Variants in TRIM28 observed in about 807,000 individuals in gnomAD.
The protein encoded by TRIM28 is transcription intermediary factor 1-beta.
A neutral mutation model predicts 87.4 loss-of-function variants in TRIM28; 8 were observed. That is an observed-to-expected ratio of 0.09 (90% CI 0.05 to 0.17). The LOEUF (loss-of-function observed/expected upper bound fraction) is 0.17, where lower values mean the gene tolerates loss of function less well. Ranked by LOEUF, TRIM28 falls within the 10% of genes least tolerant of loss-of-function variation. The pLI is 1.00. For synonymous variants in TRIM28, 601 were observed against 454.3 expected (o/e 1.32, Z -4.11); for missense variants, 968 against 1,131.8 (o/e 0.86, Z 2.08).
intron 1 of TRIM28, 119 bp from the exon 2 acceptor site, chr19:58,545,306 G>A: frequency 2.1e-6 from 2 of 952,804 alleles, no homozygotes; most frequent in Non-Finnish European, 3.2e-6. Flanking sequence ...AAGGCTCGGG[G>A]AGGGGAGGGG....
chr19:58,547,978 G>C, intron 6 of TRIM28, 56 bp from the exon 7 acceptor site: 4 of 1,613,156 alleles, frequency 2.5e-6, no homozygotes, highest in Non-Finnish European at 3.4e-6. Context: ...GGGGTGAGGA[G>C]TGATCCTAGT....
chr19:58,544,969 G>C lies in TRIM28; in HGVS notation c.212G>C (p.Arg71Pro). The part of the protein sequence containing the change: ...LLEHCGVCRE[R>P]LRPEREPRLL... ...GAGCACTGCGGCGTGTGCAGAGAGCGCCTGCGACCCGAGAGGGAGCCCCGC... is the reference window on the plus strand; with the variant it reads ...GAGCACTGCGGCGTGTGCAGAGAGCCCCTGCGACCCGAGAGGGAGCCCCGC... The change falls in exon 1 of 17, where the codon CGC (arginine) becomes CCC (proline). Residue 71 changes from arginine (R) to proline (P), a missense_variant. This residue lies in a region of TRIM28 where 208 missense variants were observed against 170.9 expected (regional missense o/e 1.22). Coordinates refer to ENST00000253024, the MANE Select transcript of TRIM28 (RefSeq NM_005762.3). 1 of 1,512,500 alleles carries C rather than the reference G, an allele frequency of 6.6e-7. No homozygotes were observed. Among genetic ancestry groups the C allele is most frequent in the Non-Finnish European group, 8.8e-7 (1 of 1,139,886 alleles). The allele number at this position is 1,512,500 out of a possible 1,614,324, so 93.7% of individuals were successfully genotyped here. A position where few individuals can be genotyped will look rare whatever the true frequency, so the allele number is the denominator to read the frequency against.
At chr19:58,547,740 G>C (rs780612143) in intron 5 of TRIM28, 27 bp downstream of exon 5, 1 of 1,613,676 alleles carries the variant, frequency 6.2e-7, no homozygotes, top group South Asian at 1.1e-5. Flanking sequence ...GGGCTGTGGG[G>C]GTGGCCCAGG....
In TRIM28 at chr19:58,549,806, G is replaced by C; in HGVS notation, c.2052G>C (p.Leu684=). The part of the protein sequence containing the change: ...DLKEEDGSLS[L]DGADSTGVVA... Reference sequence around the variant, plus strand: ...AGGAGGAGGATGGCAGCCTCAGCCTGGATGGTGCAGACAGCACTGGCGTGG... The same window carrying C: ...AGGAGGAGGATGGCAGCCTCAGCCTCGATGGTGCAGACAGCACTGGCGTGG... The change falls in exon 14 of 17, where the codon CTG becomes CTC. Residue 684 remains leucine, a synonymous_variant. Coordinates refer to ENST00000253024, the MANE Select transcript of TRIM28 (RefSeq NM_005762.3). The surrounding 1 kb of genome is among the most constrained non-coding windows in gnomAD (Gnocchi z 4.4). 6.2e-7 allele frequency: 1 copy of C among 1,612,822 alleles called. No homozygotes were observed. Among genetic ancestry groups the C allele is most frequent in the East Asian group, 2.2e-5 (1 of 44,834 alleles).
chr19:58,550,063 G>C lies in TRIM28; in HGVS notation c.2193+28G>C, dbSNP rs754107480. The C allele has an allele frequency of 3.7e-6, 6 of 1,613,838 alleles. No homozygotes were observed. The South Asian group carries it at 4.4e-5, about 12-fold the overall frequency. ...GAGTCCTAGGATGGGAAAGGGGAAG[G>C]GGGTGGTGGCTGCTGGGTCTCGCCC... On this transcript the variant is annotated intron_variant, in intron 15 of 16. Coordinates refer to ENST00000253024, the MANE Select transcript of TRIM28 (RefSeq NM_005762.3).
rs750665537 is a variant in TRIM28 at position 58,545,747 on chromosome 19, C to T, written c.454-17C>T. On this transcript the variant is annotated splice_polypyrimidine_tract_variant and intron_variant, in intron 2 of 16. Transcript: ENST00000253024. The stretch of plus-strand genomic sequence containing the variant: ...TCAAGTTGTCTTGCCTTCTCTGACC[C>T]TGCCTTTGTCTGGCAGTGCTGCACT... 1.3e-6 allele frequency: 2 copies of T among 1,595,036 alleles called. No individual in the cohort carries two copies. Among genetic ancestry groups the T allele is most frequent in the Admixed American group, 1.7e-5 (1 of 58,790 alleles).
chr19:58,545,338 G>A, intron 1 of TRIM28, 87 bp from the exon 2 acceptor site: 3 of 1,147,588 alleles, frequency 2.6e-6, no homozygotes, highest in Non-Finnish European at 1.3e-6. Flanking sequence ...CGGGATAATG[G>A]TCGGGGGCCC....
Position 58,547,371 on chromosome 19 carries a change from C to T in TRIM28, c.587-5C>T. The T allele has an allele frequency of 4.3e-6, 7 of 1,613,394 alleles. No homozygotes were observed. Among genetic ancestry groups the T allele is most frequent in the Non-Finnish European group, 5.9e-6 (7 of 1,179,504 alleles). ...AGGTCCAGCCTTATGATTCCCACTC[C>T]CCAGGGCCAGCCAAGTCTCGGGATG... On this transcript the variant is annotated splice_polypyrimidine_tract_variant and splice_region_variant and intron_variant, in intron 3 of 16. Coordinates refer to ENST00000253024, the MANE Select transcript of TRIM28 (RefSeq NM_005762.3).
intron 3 of TRIM28, among the ~76,000 whole-genome samples, chr19:58,546,868 C>G (rs975217507): frequency 6.6e-6 from 1 of 152,122 alleles, no homozygotes; most frequent in African/African-American, 2.4e-5. Flanking sequence ...GACATTTCAT[C>G]TCTCCCAGTA....
Position 58,547,795 on chromosome 19 carries a change from C to T in TRIM28, c.843C>T (p.Ile281=), listed in dbSNP as rs761319341. 1.9e-6 allele frequency: 3 copies of T among 1,614,002 alleles called. No individual in the cohort carries two copies. Among genetic ancestry groups the T allele is most frequent in the Non-Finnish European group, 2.5e-6 (3 of 1,180,030 alleles). The part of the protein sequence containing the change: ...QKSTKEVRSS[I]RQVSDVQKRV... ...CCTGACCTGCTGTGTCCCCTAGAAT[C>T]CGCCAGGTGTCTGACGTACAGAAGC... is the stretch of plus-strand genomic sequence containing the variant. The change falls in exon 6 of 17, where the codon ATC becomes ATT. Residue 281 remains isoleucine (I), a synonymous_variant. Coordinates refer to ENST00000253024, the MANE Select transcript of TRIM28 (RefSeq NM_005762.3).
Position 58,548,881 on chromosome 19 carries a change from T to C in TRIM28, c.1380T>C (p.Ser460=), listed in dbSNP as rs931278780. ...GFGSGDDPYS[S]AEPHVSGVKR... ...TCTAAGGAGATGATCCCTACTCAAG[T>C]GCAGAGCCCCATGTGTCAGGTGTGA... Residue 460 remains serine, a synonymous_variant, in exon 11 of 17, where the codon AGT becomes AGC. Coordinates refer to ENST00000253024, the MANE Select transcript of TRIM28 (RefSeq NM_005762.3). The C allele has an allele frequency of 2.5e-6, 4 of 1,614,060 alleles. No homozygotes were observed. The highest frequency in any genetic ancestry group is 3.4e-6 in the Non-Finnish European group (4 of 1,179,988).
rs756513993 is a variant in TRIM28, at chr19:58,547,735, G to A, written c.839+22G>A. ...GCTCGTAAGTGTGGGTTCTGGGGCT[G>A]TGGGGGTGGCCCAGGGCAGCAAGAC... On this transcript the variant is annotated intron_variant, in intron 5 of 16. Transcript: ENST00000253024. The A allele has an allele frequency of 6.8e-6, 11 of 1,613,896 alleles. No homozygotes were observed. The South Asian group carries it at 1.2e-4, about 18-fold the overall frequency.
intron 7 of TRIM28, 42 bp from the exon 8 acceptor site, chr19:58,548,252 T>G (rs760767636): frequency 4.3e-6 from 7 of 1,613,870 alleles, no homozygotes; most frequent in Non-Finnish European, 5.1e-6. Flanking sequence ...CCCTATTTGT[T>G]GTTGGTGTGC....
rs1031496490 is a variant in TRIM28 at position 58,545,119 on chromosome 19, C to T, written c.340+22C>T. 39 of 1,394,570 alleles carry T rather than the reference C, an allele frequency of 2.8e-5. No individual in the cohort carries two copies. In the African/African-American group the frequency reaches 4.6e-4, roughly 17 times the overall value. The allele number at this position is 1,394,570 out of a possible 1,614,324, so 86.4% of individuals were successfully genotyped here. A position where few individuals can be genotyped will look rare whatever the true frequency, so the allele number is the denominator to read the frequency against. ...ACCGGTAAGTACGAAGTGATCGGTG[C>T]CACCCCTCCCCCTACTCTCTGCCTT... On this transcript the variant is annotated intron_variant, in intron 1 of 16. Transcript: ENST00000253024.
Position 58,549,700 on chromosome 19 carries a change from C to G in TRIM28, c.1983-37C>G, listed in dbSNP as rs199681428. 3.8e-6 allele frequency: 6 copies of G among 1,599,694 alleles called. No individual in the cohort carries two copies. Among genetic ancestry groups the G allele is most frequent in the Non-Finnish European group, 5.1e-6 (6 of 1,170,164 alleles). ...AAGTCTGGGTGTTGGGCTGTCTGGA[C>G]AGGATCATGTGCAGACCCTTATTTT... On this transcript the variant is annotated intron_variant, in intron 13 of 16. Transcript: ENST00000253024. The surrounding 1 kb of genome is among the most constrained non-coding windows in gnomAD (Gnocchi z 4.4).
At position 58,544,618 on chromosome 19, in the gene TRIM28, G is replaced by T. The variant is rs1279640779; in HGVS notation, c.-140G>T. The T allele has an allele frequency of 4.3e-5, 9 of 208,912 alleles. No individual in the cohort carries two copies. The highest frequency in any genetic ancestry group is 6.6e-5 in the Non-Finnish European group (8 of 120,982). The allele number at this position is 208,912 out of a possible 1,614,324, so 12.9% of individuals were successfully genotyped here. A position where few individuals can be genotyped will look rare whatever the true frequency, so the allele number is the denominator to read the frequency against. On this transcript the variant is annotated 5_prime_UTR_variant, in exon 1 of 17. Transcript: ENST00000253024. ...AGCGTCCCGCGCGCGGCGGGCAGCGGCCCAGGAGGCGCGTGGCGGCGCTCG... is the reference window on the plus strand; with the variant it reads ...AGCGTCCCGCGCGCGGCGGGCAGCGTCCCAGGAGGCGCGTGGCGGCGCTCG...
intron 3 of TRIM28, among the ~76,000 whole-genome samples, chr19:58,546,873 C>T (rs2053765606): frequency 6.6e-6 from 1 of 152,106 alleles, no homozygotes; most frequent in South Asian, 2.1e-4. Context: ...TTCATCTCTC[C>T]CAGTATGAGA....
At chr19:58,548,648 G>A in intron 9 of TRIM28, 56 bp downstream of exon 9, 1 of 1,603,004 alleles carries the variant, frequency 6.2e-7, no homozygotes, top group East Asian at 2.2e-5. Flanking sequence ...TCCAGTAGCA[G>A]GAGAGAGGAC....
At position 58,548,023 on chromosome 19, in the gene TRIM28, T is replaced by C. The variant is rs780823881; in HGVS notation, c.955-11T>C. On this transcript the variant is annotated splice_polypyrimidine_tract_variant and intron_variant, in intron 6 of 16. Coordinates refer to ENST00000253024, the MANE Select transcript of TRIM28 (RefSeq NM_005762.3). Reference sequence around the variant, plus strand: ...CCTTCTCTGCTTACCTCATACACCTTCTATCTGCAGAAGGTGACTGAGGGG... The same window carrying C: ...CCTTCTCTGCTTACCTCATACACCTCCTATCTGCAGAAGGTGACTGAGGGG... The C allele has an allele frequency of 9.3e-6, 15 of 1,613,990 alleles. No individual in the cohort carries two copies. In the South Asian group the frequency reaches 1.1e-4, roughly 12 times the overall value.
Sources: gnomAD v4.1 joint callset for allele counts (sites outside exome capture counted in the v4.1 genomes callset) on GRCh38, gnomAD v4.1.1 for gene constraint, gnomAD v4.1.1 regional missense constraint, Gnocchi (gnomAD v3.1) non-coding constraint, MANE v1.5 for transcripts, NCBI Gene and HGNC (gene_info 2026-07-23, HGNC 2026-07-21) for gene names.